Variants in SVEP1 observed in about 807,000 individuals in gnomAD.
SVEP1 encodes the protein sushi, von Willebrand factor type A, EGF and pentraxin domain containing 1.
In SVEP1, 164 loss-of-function variants were observed where a neutral mutation model predicts 367.3. The observed-to-expected ratio is 0.45, with a 90% CI of 0.39 to 0.51. The LOEUF is 0.51. Among genes scored for constraint, SVEP1 ranks in the 20% least tolerant of loss-of-function variants. The probability of loss-of-function intolerance (pLI) is 0.00; values close to 1 mark genes in which losing one functional copy is unlikely to be tolerated. For missense variants in SVEP1, 4,117 were observed against 4,425.3 expected (o/e 0.93, Z 1.98); for synonymous variants, 1,666 against 1,611.6 (o/e 1.03, Z -0.81).
In SVEP1 at chr9:110,404,531, C is replaced by T. The variant is rs751016738; in HGVS notation, c.9462G>A (p.Met3154Ile). The T allele has an allele frequency of 1.2e-6, 2 of 1,613,944 alleles. No homozygotes were observed. The highest frequency in any genetic ancestry group is 8.5e-7 in the Non-Finnish European group (1 of 1,179,870). Reference protein sequence around the residue: ...VKLRCLEGYTMDTDTDTFTCQ... With the variant: ...VKLRCLEGYTIDTDTDTFTCQ... ...AGGTGAATGTATCTGTATCTGTATC[C>T]ATCGTATAACCTTCCAGACATCTGC... The change falls in exon 39 of 48, where the codon ATG becomes ATA. Residue 3154 changes from methionine (M) to isoleucine (I), a missense_variant. Physicochemically the swap from Met to Ile is conservative, Grantham distance 10. Coordinates refer to ENST00000374469, the MANE Select transcript of SVEP1 (RefSeq NM_153366.4).
rs747419966 is a variant in SVEP1 at position 110,411,177 on chromosome 9, G to A, written c.6534C>T (p.Ile2178=). 1.2e-5 allele frequency: 19 copies of A among 1,613,838 alleles called. 1 individual carries two copies. The change falls in exon 37 of 48, where the codon ATC becomes ATT. Residue 2178 remains isoleucine (I), a synonymous_variant. Transcript: ENST00000374469. The part of the protein sequence containing the change: ...VAYSCNKGFY[I]KGEKKSTCEA... ...CGCAGGTGCTCTTCTTTTCCCCTTT[G>A]ATGTAGAACCCCTTGTTGCAGCTGT...
intron 18 of SVEP1, among the ~76,000 whole-genome samples, chr9:110,460,522 G>T (rs1828842037): frequency 6.6e-6 from 1 of 152,198 alleles, no homozygotes; most frequent in Non-Finnish European, 1.5e-5. Context: ...GGAAGCTGAG[G>T]TGGGCGAATC....
At chr9:110,377,178 C>T in intron 45 of SVEP1, 93 bp downstream of exon 45, 1 of 1,152,364 alleles carries the variant, frequency 8.7e-7, no homozygotes, top group Non-Finnish European at 1.3e-6. Flanking sequence ...TGAATTCTTC[C>T]CAACAGTACA....
intron 44 of SVEP1, among the ~76,000 whole-genome samples, chr9:110,377,765 A>G (rs1480672236): frequency 6.6e-6 from 1 of 152,126 alleles, no homozygotes; most frequent in Non-Finnish European, 1.5e-5. Context: ...TTTTCAGTAT[A>G]CAATACAGTA....
intron 1 of SVEP1, among the ~76,000 whole-genome samples, chr9:110,553,418 A>G (rs1830316691): frequency 1.3e-5 from 2 of 152,208 alleles, no homozygotes; most frequent in African/African-American, 4.8e-5. Flanking sequence ...TTTAATCAGC[A>G]GATAGTGAAT....
chr9:110,428,399 AACACACACACACACAC>A (rs113743775), intron 35 of SVEP1, among the ~76,000 whole-genome samples: 2 of 120,178 alleles, frequency 1.7e-5, no homozygotes, highest in Non-Finnish European at 3.4e-5. Flanking sequence ...CCTCTGTTTA[AACACACACACACACAC>A]ACACACACAC....
chr9:110,513,189 C>G, intron 4 of SVEP1, 84 bp from the exon 5 acceptor site: 3 of 1,262,284 alleles, frequency 2.4e-6, no homozygotes, highest in Admixed American at 2.8e-5. Flanking sequence ...TTCAAGGGGG[C>G]ATTTATGCAT....
rs1491273912 is a variant in SVEP1 at position 110,390,289 on chromosome 9, ACT to A, written c.9823-704_9823-703del. 6.1e-4 allele frequency among the ~76,000 whole-genome samples: 17 copies of A among 27,922 alleles called. 1 individual carries two copies. The highest frequency in any genetic ancestry group is 8.7e-4 in the African/African-American group (4 of 4,624). 18.3% of individuals were successfully genotyped at this position (27,922 alleles called of 152,430 possible). The stretch of plus-strand genomic sequence containing the variant: ...TATATATATACTTATATATATACAT[ACT>A]TATATATACTTATATAAGTATGTGT... On this transcript the variant is annotated intron_variant, in intron 40 of 47. Coordinates refer to ENST00000374469, the MANE Select transcript of SVEP1 (RefSeq NM_153366.4).
At chr9:110,412,242 T>C (rs1828055363) in intron 36 of SVEP1, among the ~76,000 whole-genome samples, 1 of 152,232 alleles carries the variant, frequency 6.6e-6, no homozygotes, top group South Asian at 2.1e-4. Context: ...TTGTTTGTTC[T>C]TAAGCTACAA....
intron 1 of SVEP1, among the ~76,000 whole-genome samples, chr9:110,559,256 T>TA (rs1422079037): frequency 6.6e-6 from 1 of 151,966 alleles, no homozygotes; most frequent in African/African-American, 2.4e-5. Flanking sequence ...CTGCTCCCTC[T>TA]AAAAAAATCA....
At chr9:110,441,029 T>G (rs1035434589) in intron 27 of SVEP1, among the ~76,000 whole-genome samples, 4 of 152,242 alleles carry the variant, frequency 2.6e-5, no homozygotes, top group Non-Finnish European at 5.9e-5. Context: ...AACTACTCTA[T>G]TAAACTCACA....
At chr9:110,556,860 A>G (rs1278673637) in intron 1 of SVEP1, among the ~76,000 whole-genome samples, 1 of 152,190 alleles carries the variant, frequency 6.6e-6, no homozygotes, top group East Asian at 1.9e-4. Context: ...AAATAAATAA[A>G]TACAATGAAC....
chr9:110,545,975 A>G lies in SVEP1; in HGVS notation c.964+140T>C, dbSNP rs1830215413. The G allele has an allele frequency of 7.5e-6, 8 of 1,066,784 alleles. No homozygotes were observed. The South Asian group carries it at 1.1e-4, about 15-fold the overall frequency. The allele number at this position is 1,066,784 out of a possible 1,614,324, so 66.1% of individuals were successfully genotyped here. A position where few individuals can be genotyped will look rare whatever the true frequency, so the allele number is the denominator to read the frequency against. Reference sequence around the variant, plus strand: ...TGATGGCAAATAAATGAGTCAGCACAGCTGAAGCCCCAAAGAGATGTGCCA... The same window carrying G: ...TGATGGCAAATAAATGAGTCAGCACGGCTGAAGCCCCAAAGAGATGTGCCA... On this transcript the variant is annotated intron_variant, in intron 3 of 47. Coordinates refer to ENST00000374469, the MANE Select transcript of SVEP1 (RefSeq NM_153366.4).
chr9:110,384,919 G>A (rs564651840), intron 43 of SVEP1, among the ~76,000 whole-genome samples: 89 of 152,312 alleles, frequency 5.8e-4, no homozygotes, highest in African/African-American at 2.0e-3. Context: ...GATTACTGTA[G>A]AGGTAGTAGC....
intron 9 of SVEP1, among the ~76,000 whole-genome samples, chr9:110,488,185 T>A (rs1829313915): frequency 6.6e-6 from 1 of 152,030 alleles, no homozygotes; most frequent in Non-Finnish European, 1.5e-5. Context: ...GGTAGCTAGG[T>A]GGTTGGCTGT....
chr9:110,442,932 ATT>A (rs1279357794), intron 27 of SVEP1: 1 of 152,168 alleles, frequency 6.6e-6, no homozygotes, highest in Non-Finnish European at 1.5e-5. Flanking sequence ...ACTTTAATTC[ATT>A]TTTGTCTATT....
At chr9:110,430,542 C>G in intron 32 of SVEP1, 92 bp from the exon 33 acceptor site, 1 of 1,368,276 alleles carries the variant, frequency 7.3e-7, no homozygotes, top group Non-Finnish European at 9.8e-7. Context: ...AGTTAAGAAA[C>G]CTGTTAAAAT....
chr9:110,449,994 G>C, intron 24 of SVEP1, 65 bp downstream of exon 24: 11 of 1,556,194 alleles, frequency 7.1e-6, no homozygotes, highest in Non-Finnish European at 9.7e-6. Context: ...CTCCATAAAG[G>C]CTGCAGAATC....
At chr9:110,395,381 C>A (rs1317219503) in intron 40 of SVEP1, among the ~76,000 whole-genome samples, 1 of 152,282 alleles carries the variant, frequency 6.6e-6, no homozygotes, top group Non-Finnish European at 1.5e-5. Context: ...ACAACCAGTA[C>A]CACCCACTGC....
Sources: allele counts gnomAD v4.1 joint callset (sites outside exome capture counted in the v4.1 genomes callset), GRCh38; gene constraint gnomAD v4.1.1; transcripts MANE v1.5; gene names NCBI Gene and HGNC (gene_info 2026-07-23, HGNC 2026-07-21).